The following LRRC8A variants were observed in gnomAD, a reference collection of about 807,000 sequenced individuals.
LRRC8A encodes leucine rich repeat containing 8 VRAC subunit A, also known as volume-regulated anion channel subunit LRRC8A.
LRRC8A carries 24 observed loss-of-function variants against 52.5 expected under a neutral mutation model. The ratio of observed to expected loss-of-function variants is 0.46; its 90% CI spans 0.33 to 0.64. LRRC8A has a LOEUF of 0.64. Among genes scored for constraint, LRRC8A ranks in the 30% least tolerant of loss-of-function variants. The probability of loss-of-function intolerance (pLI) is 0.02; values close to 1 mark genes in which losing one functional copy is unlikely to be tolerated. For missense variants in LRRC8A, 677 were observed against 1,094.7 expected (o/e 0.62, Z 5.38); for synonymous variants, 492 against 494.2 (o/e 1.00, Z 0.06).
rs113315905 is a variant in LRRC8A, at chr9:128,916,714, T to G, written c.*343T>G. ...GTCCTGGGACCCTCACTTTAGTTCT[T>G]GGTATTTATTTTTCTCCATCTCCCA... On this transcript the variant is annotated 3_prime_UTR_variant, in exon 4 of 4. Transcript: ENST00000372600. The surrounding 1 kb of genome is among the most constrained non-coding windows in gnomAD (Gnocchi z 6.1). 1,102 of 235,662 alleles carry G rather than the reference T, an allele frequency of 4.7e-3. 20 individuals carry two copies. Among genetic ancestry groups the G allele is most frequent in the African/African-American group, 0.023 (1,015 of 45,090 alleles). The allele number at this position is 235,662 out of a possible 1,614,324, so 14.6% of individuals were successfully genotyped here.
intron 3 of LRRC8A, among the ~76,000 whole-genome samples, 193 bp downstream of exon 3, chr9:128,909,514 G>T (rs948887511): frequency 6.6e-6 from 1 of 152,254 alleles, no homozygotes; most frequent in Non-Finnish European, 1.5e-5. Context: ...CCCATCCCAG[G>T]CCTGCTGAAT....
chr9:128,891,956 A>G (rs1839638977), intron 2 of LRRC8A, among the ~76,000 whole-genome samples: 1 of 152,126 alleles, frequency 6.6e-6, no homozygotes, highest in Non-Finnish European at 1.5e-5. Flanking sequence ...AAAAGGACTG[A>G]TTTAAACTCT....
Position 128,902,486 on chromosome 9 carries a change from G to A in LRRC8A, c.-8-4671G>A, listed in dbSNP as rs952340939. Among the ~76,000 whole-genome samples, 8 of 152,238 alleles carry A rather than the reference G, an allele frequency of 5.3e-5. No individual in the cohort carries two copies. The South Asian group carries it at 8.3e-4, about 16-fold the overall frequency. On this transcript the variant is annotated intron_variant, in intron 2 of 3. Transcript: ENST00000372600. The surrounding 1 kb of genome is among the most constrained non-coding windows in gnomAD (Gnocchi z 4.1). Reference sequence around the variant, plus strand: ...AGAGGAAGCAGGTGTTTCTGTGAGCGAACACACCCCACTCCCTGAACACGA... The same window carrying A: ...AGAGGAAGCAGGTGTTTCTGTGAGCAAACACACCCCACTCCCTGAACACGA...
At chr9:128,915,354 TCTCA>T (rs1488591362) in intron 3 of LRRC8A, among the ~76,000 whole-genome samples, 3 of 152,076 alleles carry the variant, frequency 2.0e-5, no homozygotes, top group Non-Finnish European at 4.4e-5. Context: ...TGAGATGGAG[TCTCA>T]CTCTGTCACC....
At chr9:128,886,802 G>A (rs2130929836) in intron 2 of LRRC8A, among the ~76,000 whole-genome samples, 1 of 152,302 alleles carries the variant, frequency 6.6e-6, no homozygotes. Context: ...GTGTATAGAC[G>A]GCTGTGTAAT....
chr9:128,882,918 G>A (rs1427805359), intron 1 of LRRC8A: 1 of 397,366 alleles, frequency 2.5e-6, no homozygotes. Context: ...AGGTGAGCTG[G>A]ATACCCAGCA....
chr9:128,908,017 T>C lies in LRRC8A; in HGVS notation c.853T>C (p.Tyr285His). 1 of 1,614,142 alleles carries C rather than the reference T, an allele frequency of 6.2e-7. No individual in the cohort carries two copies. The highest frequency in any genetic ancestry group is 8.5e-7 in the Non-Finnish European group (1 of 1,180,038). ...CCTCATCATCTGCTACACCGTCTAC[T>C]ACGTGCACAACATCAAGTTCGACGT... ...FILIICYTVY[Y>H]VHNIKFDVDC... The change falls in exon 3 of 4, where the codon TAC (tyrosine) becomes CAC (histidine). Residue 285 changes from tyrosine (Y) to histidine (H), a missense_variant. By Grantham distance (83) the Tyr-to-His change is moderately conservative. Around this residue, in one of 4 missense-constraint regions of LRRC8A, gnomAD observed 422 missense variants for 741.5 expected, o/e 0.57. Transcript: ENST00000372600.
intron 2 of LRRC8A, among the ~76,000 whole-genome samples, chr9:128,895,373 G>A (rs1564521557): frequency 6.6e-6 from 1 of 152,190 alleles, no homozygotes; most frequent in Non-Finnish European, 1.5e-5. Flanking sequence ...AAAATAAGTT[G>A]TAAAAGCAGA....
intron 2 of LRRC8A, among the ~76,000 whole-genome samples, chr9:128,900,962 C>T (rs1840001253): frequency 6.6e-6 from 1 of 152,142 alleles, no homozygotes; most frequent in Non-Finnish European, 1.5e-5. Flanking sequence ...ATCATGAGGT[C>T]AGGAGCTCGA....
chr9:128,890,395 A>G lies in LRRC8A; in HGVS notation c.-9+4274A>G, dbSNP rs147479025. Among the ~76,000 whole-genome samples the G allele has an allele frequency of 1.5e-3, 221 of 152,292 alleles. 1 individual carries two copies. Among genetic ancestry groups the G allele is most frequent in the African/African-American group, 5.1e-3 (214 of 41,568 alleles). On this transcript the variant is annotated intron_variant, in intron 2 of 3. Coordinates refer to ENST00000372600, the MANE Select transcript of LRRC8A (RefSeq NM_019594.4). ...CAATCTAAGCCTCACGCCTAGAGCAATGTTCCAGTGGAGTAAAAGTGGCTG... is the reference window on the plus strand; with the variant it reads ...CAATCTAAGCCTCACGCCTAGAGCAGTGTTCCAGTGGAGTAAAAGTGGCTG...
Position 128,907,547 on chromosome 9 carries a change from T to G in LRRC8A, c.383T>G (p.Leu128Arg). Residue 128 changes from leucine to arginine, a missense_variant, in exon 3 of 4, where the codon CTG becomes CGG. Physicochemically the swap from Leu to Arg is moderately radical, Grantham distance 102 (BLOSUM62 -2). Coordinates refer to ENST00000372600, the MANE Select transcript of LRRC8A (RefSeq NM_019594.4). The surrounding 1 kb of genome is among the most constrained non-coding windows in gnomAD (Gnocchi z 9.3). ...LHWFAKYFPY[L>R]VLLHTLIFLA... ...TGGTTTGCCAAGTACTTCCCCTACCTGGTGCTTCTGCACACGCTCATCTTC... is the reference window on the plus strand; with the variant it reads ...TGGTTTGCCAAGTACTTCCCCTACCGGGTGCTTCTGCACACGCTCATCTTC... 6.2e-7 allele frequency: 1 copy of G among 1,614,168 alleles called. No homozygotes were observed. Among genetic ancestry groups the G allele is most frequent in the Non-Finnish European group, 8.5e-7 (1 of 1,180,040 alleles).
intron 3 of LRRC8A, among the ~76,000 whole-genome samples, chr9:128,909,633 G>A (rs1022201015): frequency 2.0e-5 from 3 of 152,234 alleles, no homozygotes; most frequent in Non-Finnish European, 2.9e-5. Context: ...ACCTTGAGCC[G>A]GGTTCCTCTT....
rs531070772 is a variant in LRRC8A, at chr9:128,917,793, C to G, written c.*1422C>G. The G allele has an allele frequency of 6.5e-6, 1 of 152,810 alleles. No homozygotes were observed. Among genetic ancestry groups the G allele is most frequent in the Admixed American group, 6.5e-5 (1 of 15,308 alleles). 9.5% of individuals were successfully genotyped at this position (152,810 alleles called of 1,614,324 possible). On this transcript the variant is annotated 3_prime_UTR_variant, in exon 4 of 4. Coordinates refer to ENST00000372600, the MANE Select transcript of LRRC8A (RefSeq NM_019594.4). Reference sequence around the variant, plus strand: ...CACCCTGCTTTAGATCACTCGGGTCCCCACCTTAGAAGGGTCCCCGCCTTA... The same window carrying G: ...CACCCTGCTTTAGATCACTCGGGTCGCCACCTTAGAAGGGTCCCCGCCTTA...
At chr9:128,909,553 T>C (rs1263474606) in intron 3 of LRRC8A, among the ~76,000 whole-genome samples, 2 of 152,220 alleles carry the variant, frequency 1.3e-5, no homozygotes, top group African/African-American at 4.8e-5. Context: ...GGCCTGTCTT[T>C]GCTCCAAAAT....
chr9:128,882,683 G>C (rs959787599), intron 1 of LRRC8A: 5 of 398,934 alleles, frequency 1.3e-5, no homozygotes, highest in Non-Finnish European at 2.2e-5. Flanking sequence ...TGAGTTCCTG[G>C]TCCCCTTCTC....
intron 1 of LRRC8A, chr9:128,885,350 C>A (rs1446682684): frequency 6.6e-6 from 1 of 152,218 alleles, no homozygotes; most frequent in Non-Finnish European, 1.5e-5. Flanking sequence ...ATGCCGAGCC[C>A]GCAAGCCTTC....
At chr9:128,888,772 C>A (rs1839493351) in intron 2 of LRRC8A, among the ~76,000 whole-genome samples, 1 of 152,040 alleles carries the variant, frequency 6.6e-6, no homozygotes, top group African/African-American at 2.4e-5. Context: ...GCTCACTGTC[C>A]TGTCGCTTTC....
In LRRC8A at chr9:128,916,263, G is replaced by A. The variant is rs761252884; in HGVS notation, c.2325G>A (p.Glu775=). ...AGTGCCTGCCTGTGGAGCTGGGCGA[G>A]TGCCCACTGCTCAAGCGCAGCGGCT... The part of the protein sequence containing the change: ...RLECLPVELG[E]CPLLKRSGLV... Residue 775 remains glutamate (E), a synonymous_variant, in exon 4 of 4, where the codon GAG becomes GAA. Coordinates refer to ENST00000372600, the MANE Select transcript of LRRC8A (RefSeq NM_019594.4). The surrounding 1 kb of genome is among the most constrained non-coding windows in gnomAD (Gnocchi z 6.1). 6.2e-7 allele frequency: 1 copy of A among 1,613,852 alleles called. No individual in the cohort carries two copies. The highest frequency in any genetic ancestry group is 8.5e-7 in the Non-Finnish European group (1 of 1,179,960).
At position 128,907,066 on chromosome 9, in the gene LRRC8A, G is replaced by A. The variant is rs1314682338; in HGVS notation, c.-8-91G>A. 6.3e-6 allele frequency: 7 copies of A among 1,109,540 alleles called. No homozygotes were observed. The highest frequency in any genetic ancestry group is 1.6e-5 in the African/African-American group (1 of 64,090). The allele number at this position is 1,109,540 out of a possible 1,614,324, so 68.7% of individuals were successfully genotyped here. ...ATTTGAGGTGGAATTTTGGACAATG[G>A]AAGAATTTTCATTGTCTTCTTCCCC... On this transcript the variant is annotated intron_variant, in intron 2 of 3. Transcript: ENST00000372600. This position sits in a 1 kb window ranked among gnomAD's most constrained non-coding sequence, Gnocchi z 9.3.
Sources: gnomAD v4.1 joint callset for allele counts (sites outside exome capture counted in the v4.1 genomes callset) on GRCh38, gnomAD v4.1.1 for gene constraint, gnomAD v4.1.1 regional missense constraint, Gnocchi (gnomAD v3.1) non-coding constraint, MANE v1.5 for transcripts, NCBI Gene and HGNC (gene_info 2026-07-23, HGNC 2026-07-21) for gene names.